PTPRM: variants seen among roughly 807,000 people sequenced by gnomAD.
PTPRM encodes the protein receptor-type tyrosine-protein phosphatase mu.
Under a neutral mutation model 186.7 loss-of-function variants are expected in PTPRM, and 47 were observed. That is an observed-to-expected ratio of 0.25 (90% CI 0.20 to 0.32). PTPRM has a LOEUF of 0.32. PTPRM is among the 10% of genes least tolerant of loss of function. The probability of loss-of-function intolerance (pLI) is 1.00; values close to 1 mark genes in which losing one functional copy is unlikely to be tolerated. For synonymous variants in PTPRM, 668 were observed against 674.9 expected (o/e 0.99, Z 0.16); for missense variants, 1,494 against 1,865.0 (o/e 0.80, Z 3.66).
chr18:7,914,264 A>T (rs1175759624), intron 4 of PTPRM, among the ~76,000 whole-genome samples: 1 of 152,170 alleles, frequency 6.6e-6, no homozygotes, highest in Non-Finnish European at 1.5e-5. Context: ...AAGGAATATC[A>T]TTCTTCTTAA....
rs142759331 is a variant in PTPRM, at chr18:8,223,053, G to A, written c.2301-21005G>A. ...AGCCTGGTCAACATTGCGAAACCCCGTCTCTACTAAGAGTACAAAAATTAG... is the reference window on the plus strand; with the variant it reads ...AGCCTGGTCAACATTGCGAAACCCCATCTCTACTAAGAGTACAAAAATTAG... On this transcript the variant is annotated intron_variant, in intron 14 of 32. Transcript: ENST00000580170. Among the ~76,000 whole-genome samples the A allele has an allele frequency of 9.5e-3, 1,447 of 152,070 alleles. 9 individuals carry two copies. The highest frequency in any genetic ancestry group is 0.014 in the Non-Finnish European group (942 of 67,996).
At position 8,304,853 on chromosome 18, in the gene PTPRM, A is replaced by G. The variant is rs931900636; in HGVS notation, c.2842+8398A>G. Among the ~76,000 whole-genome samples the G allele has an allele frequency of 2.8e-4, 40 of 145,090 alleles. 1 individual carries two copies. The highest frequency in any genetic ancestry group is 4.0e-4 in the East Asian group (2 of 5,014). On this transcript the variant is annotated intron_variant, in intron 20 of 32. Coordinates refer to ENST00000580170, the MANE Select transcript of PTPRM (RefSeq NM_001105244.2). ...TTTTTTTTTTGCTCTTTGTTTTTCA[A>G]TGAGAATAGATGTGTTATTCTCTTT...
intron 7 of PTPRM, among the ~76,000 whole-genome samples, chr18:8,042,426 C>G (rs190752037): frequency 1.3e-5 from 2 of 152,074 alleles, no homozygotes; most frequent in African/African-American, 4.8e-5. Flanking sequence ...CTCTTAATAT[C>G]TTATTACTGT....
At chr18:7,621,920 A>G (rs569019074) in intron 1 of PTPRM, among the ~76,000 whole-genome samples, 1 of 152,242 alleles carries the variant, frequency 6.6e-6, no homozygotes, top group Non-Finnish European at 1.5e-5. Flanking sequence ...TAAAGCTGCC[A>G]TAAACATCCA....
rs577860381 is a variant in PTPRM at position 8,346,989 on chromosome 18, TC to T, written c.3054+3470del. On this transcript the variant is annotated intron_variant, in intron 23 of 32. Coordinates refer to ENST00000580170, the MANE Select transcript of PTPRM (RefSeq NM_001105244.2). ...AGCCACCTCATGTAGCCTAAACATT[TC>T]ATCTGCTTTCATGTGCTTGTGTTTC... Among the ~76,000 whole-genome samples, 10 of 152,276 alleles carry T rather than the reference TC, an allele frequency of 6.6e-5. No homozygotes were observed. The East Asian group carries it at 1.9e-3, about 29-fold the overall frequency.
intron 2 of PTPRM, among the ~76,000 whole-genome samples, chr18:7,836,913 G>A (rs960715935): frequency 6.6e-6 from 1 of 152,074 alleles, no homozygotes; most frequent in Non-Finnish European, 1.5e-5. Flanking sequence ...GCTGCTTTTA[G>A]GATCCTTTAT....
intron 5 of PTPRM, among the ~76,000 whole-genome samples, chr18:7,928,831 G>A (rs2051321332): frequency 6.6e-6 from 1 of 152,134 alleles, no homozygotes; most frequent in Admixed American, 6.6e-5. Context: ...GTGTGCTCCT[G>A]CTTAAACTTG....
intron 7 of PTPRM, among the ~76,000 whole-genome samples, chr18:8,066,702 G>A (rs151318751): frequency 1.2e-4 from 19 of 152,292 alleles, no homozygotes; most frequent in African/African-American, 3.6e-4. Flanking sequence ...ATGCTTCAAC[G>A]TAAAGATGCA....
chr18:8,062,657 TGTTA>T (rs1329946848), intron 7 of PTPRM, among the ~76,000 whole-genome samples: 18 of 50,432 alleles, frequency 3.6e-4, no homozygotes, highest in African/African-American at 1.1e-3. Context: ...CCTTTCTGTT[TGTTA>T]GTTTTCCTTC....
At chr18:8,033,548 CTA>C (rs2086132775) in intron 7 of PTPRM, among the ~76,000 whole-genome samples, 1 of 152,122 alleles carries the variant, frequency 6.6e-6, no homozygotes, top group Admixed American at 6.6e-5. Context: ...CAGCATGTGA[CTA>C]TACTGAATAC....
In PTPRM at chr18:8,134,169, CCT is replaced by C. The variant is rs1352333722; in HGVS notation, c.2168-9472_2168-9471del. 2.6e-5 allele frequency among the ~76,000 whole-genome samples: 4 copies of C among 152,248 alleles called. No homozygotes were observed. In the East Asian group the frequency reaches 7.7e-4, roughly 29 times the overall value. On this transcript the variant is annotated intron_variant, in intron 13 of 32. Transcript: ENST00000580170. ...TACATTGTGCATAGACAGGGGAAAG[CCT>C]CTCTCAGCCTTTCTCTGTACAAACT...
chr18:8,103,030 CT>C (rs148501477), intron 11 of PTPRM, among the ~76,000 whole-genome samples: 12,528 of 152,178 alleles, frequency 0.082, 604 homozygotes, highest in Middle Eastern at 0.2. Context: ...GAAAGGAATC[CT>C]TTTTTTCTGA....
chr18:7,773,837 C>A (rs1393806212), intron 1 of PTPRM, among the ~76,000 whole-genome samples: 2 of 152,160 alleles, frequency 1.3e-5, no homozygotes, highest in Non-Finnish European at 2.9e-5. Flanking sequence ...GCCTCAGCCT[C>A]CCAAAGTGCT....
chr18:8,267,101 A>G (rs1372972161), intron 19 of PTPRM, among the ~76,000 whole-genome samples: 2 of 152,120 alleles, frequency 1.3e-5, no homozygotes, highest in Non-Finnish European at 2.9e-5. Context: ...TACGCAGCGT[A>G]TGTTTTTATA....
intron 14 of PTPRM, among the ~76,000 whole-genome samples, chr18:8,211,605 A>G (rs1281678183): frequency 6.6e-6 from 1 of 151,468 alleles, no homozygotes; most frequent in Non-Finnish European, 1.5e-5. Flanking sequence ...GGGTTTCACC[A>G]TGTTAGCCAG....
chr18:8,332,227 T>C (rs932406275), intron 22 of PTPRM, among the ~76,000 whole-genome samples: 5 of 152,212 alleles, frequency 3.3e-5, no homozygotes, highest in African/African-American at 1.2e-4. Context: ...AATAAATGAT[T>C]AAAAGAAAAG....
chr18:8,153,309 G>T (rs541180860), intron 14 of PTPRM, among the ~76,000 whole-genome samples: 6 of 152,206 alleles, frequency 3.9e-5, no homozygotes, highest in African/African-American at 1.4e-4. Context: ...TCCTCCAAGG[G>T]TCTATTTCTG....
chr18:8,113,487 G>T lies in PTPRM; in HGVS notation c.1858G>T (p.Val620Phe), dbSNP rs778406585. The stretch of plus-strand genomic sequence containing the variant: ...TTGATGGTACTCTTGTTTTTCTAGT[G>T]TCTATCAAATAGTTGTTGAGGAAGA... The part of the protein sequence containing the change: ...PAHSRGAPVS[V>F]YQIVVEEERP... The change falls in exon 12 of 33, where the codon GTC becomes TTC. Residue 620 changes from valine to phenylalanine, a missense_variant and splice_region_variant. Around this residue, in one of 3 missense-constraint regions of PTPRM, gnomAD observed 1,107 missense variants for 1,350.2 expected, o/e 0.82. Coordinates refer to ENST00000580170, the MANE Select transcript of PTPRM (RefSeq NM_001105244.2). The T allele has an allele frequency of 3.7e-5, 60 of 1,611,884 alleles. No individual in the cohort carries two copies. Among genetic ancestry groups the T allele is most frequent in the Non-Finnish European group, 4.8e-5 (57 of 1,178,400 alleles).
intron 2 of PTPRM, among the ~76,000 whole-genome samples, chr18:7,799,624 C>A (rs1374663118): frequency 3.3e-5 from 5 of 152,060 alleles, no homozygotes; most frequent in African/African-American, 1.2e-4. Flanking sequence ...ATATAATCTA[C>A]TTACCTGATA....
Sources: gnomAD v4.1 joint callset for allele counts (sites outside exome capture counted in the v4.1 genomes callset) on GRCh38, gnomAD v4.1.1 for gene constraint, gnomAD v4.1.1 regional missense constraint, MANE v1.5 for transcripts, NCBI Gene and HGNC (gene_info 2026-07-23, HGNC 2026-07-21) for gene names.